TRAPPC10: variants seen among roughly 807,000 people sequenced by gnomAD.
TRAPPC10 encodes TRAPP 130 kDa subunit.
In TRAPPC10, 23 loss-of-function variants were observed where a neutral mutation model predicts 125.5. That is an observed-to-expected ratio of 0.18 (90% confidence interval 0.13 to 0.26). The LOEUF (loss-of-function observed/expected upper bound fraction) is 0.26. Ranked by LOEUF, TRAPPC10 falls within the 10% of genes least tolerant of loss-of-function variation. The pLI is 1.00. For synonymous variants in TRAPPC10, 509 were observed against 518.0 expected (o/e 0.98, Z 0.24); for missense variants, 1,123 against 1,308.4 (o/e 0.86, Z 2.19).
intron 7 of TRAPPC10, among the ~76,000 whole-genome samples, chr21:44,072,267 C>T (rs1465412000): frequency 1.3e-5 from 2 of 152,148 alleles, no homozygotes; most frequent in African/African-American, 4.8e-5. Context: ...GCTGCTGTTC[C>T]CTGCGGACTC....
intron 2 of TRAPPC10, among the ~76,000 whole-genome samples, chr21:44,035,534 A>G (rs2033926331): frequency 6.6e-6 from 1 of 152,190 alleles, no homozygotes; most frequent in African/African-American, 2.4e-5. Flanking sequence ...TCACACTTGT[A>G]ATCCCAGCAC....
chr21:44,027,271 T>C (rs1050991794), intron 1 of TRAPPC10, among the ~76,000 whole-genome samples: 1 of 152,230 alleles, frequency 6.6e-6, no homozygotes, highest in Non-Finnish European at 1.5e-5. Context: ...ACAAACTGAC[T>C]GAACATTCTG....
At chr21:44,062,758 C>A (rs938020913) in intron 6 of TRAPPC10, 1 of 985,300 alleles carries the variant, frequency 1.0e-6, no homozygotes, top group African/African-American at 1.7e-5. Context: ...ATGCGCTCCC[C>A]GGGTCTGAGG....
At chr21:44,047,396 GT>G (rs2034910959) in intron 3 of TRAPPC10, among the ~76,000 whole-genome samples, 1 of 152,028 alleles carries the variant, frequency 6.6e-6, no homozygotes, top group South Asian at 2.1e-4. Context: ...GGCCAGGCTG[GT>G]CTCAAACTCC....
intron 2 of TRAPPC10, among the ~76,000 whole-genome samples, chr21:44,035,628 T>G (rs1337412591): frequency 6.6e-6 from 1 of 151,984 alleles, no homozygotes; most frequent in Non-Finnish European, 1.5e-5. Context: ...AAATACAAAA[T>G]TAGCCAGGCA....
chr21:44,062,904 T>A, intron 6 of TRAPPC10: 1 of 1,229,028 alleles, frequency 8.1e-7, no homozygotes, highest in African/African-American at 1.6e-5. Context: ...ATGGACTTGT[T>A]ATTATACATT....
At chr21:44,023,608 A>G (rs1208583405) in intron 1 of TRAPPC10, among the ~76,000 whole-genome samples, 1 of 152,132 alleles carries the variant, frequency 6.6e-6, no homozygotes, top group African/African-American at 2.4e-5. Context: ...CATTTTGAAC[A>G]TTTAATGCCC....
chr21:44,052,714 G>A (rs1209401605), intron 4 of TRAPPC10, among the ~76,000 whole-genome samples: 1 of 152,096 alleles, frequency 6.6e-6, no homozygotes, highest in East Asian at 1.9e-4. Context: ...CATAGTCCTG[G>A]GAGGCCTCTT....
intron 3 of TRAPPC10, among the ~76,000 whole-genome samples, chr21:44,047,621 T>C (rs536132380): frequency 1.3e-5 from 2 of 151,852 alleles, no homozygotes; most frequent in Non-Finnish European, 2.9e-5. Flanking sequence ...TGATATTTTT[T>C]GTAGTCCTTT....
At chr21:44,043,706 A>G (rs2034576750) in intron 3 of TRAPPC10, among the ~76,000 whole-genome samples, 1 of 151,992 alleles carries the variant, frequency 6.6e-6, no homozygotes, top group Admixed American at 6.6e-5. Context: ...TGTTTCCTCC[A>G]GTTGAATCTG....
intron 3 of TRAPPC10, among the ~76,000 whole-genome samples, chr21:44,049,558 T>C (rs1028355027): frequency 6.6e-6 from 1 of 152,226 alleles, no homozygotes; most frequent in Non-Finnish European, 1.5e-5. Flanking sequence ...ATGCCCTTTG[T>C]GCCCTGCTTG....
At chr21:44,085,825 C>G (rs2038087967) in intron 15 of TRAPPC10, among the ~76,000 whole-genome samples, 1 of 152,160 alleles carries the variant, frequency 6.6e-6, no homozygotes. Context: ...GAAGGAGTTG[C>G]TATAAACAAA....
At chr21:44,023,454 T>C (rs1360170367) in intron 1 of TRAPPC10, among the ~76,000 whole-genome samples, 5 of 152,210 alleles carry the variant, frequency 3.3e-5, no homozygotes, top group African/African-American at 1.2e-4. Flanking sequence ...ATACTTGATG[T>C]GTTACAGTCC....
Position 44,082,661 on chromosome 21 carries a change from C to A in TRAPPC10, c.1724-127C>A. 1 of 1,041,676 alleles carries A rather than the reference C, an allele frequency of 9.6e-7. No homozygotes were observed. Among genetic ancestry groups the A allele is most frequent in the Non-Finnish European group, 1.4e-6 (1 of 699,886 alleles). 64.5% of individuals were successfully genotyped at this position (1,041,676 alleles called of 1,614,324 possible). A position where few individuals can be genotyped will look rare whatever the true frequency, so the allele number is the denominator to read the frequency against. ...GAAGATGGCAGGAGGCTGGGCTCAGCTGCTGTGCCCATCACTGCTGCTTGC... is the reference window on the plus strand; with the variant it reads ...GAAGATGGCAGGAGGCTGGGCTCAGATGCTGTGCCCATCACTGCTGCTTGC... On this transcript the variant is annotated intron_variant, in intron 13 of 22. Coordinates refer to ENST00000291574, the MANE Select transcript of TRAPPC10 (RefSeq NM_003274.5). This position sits in a 1 kb window ranked among gnomAD's most constrained non-coding sequence, Gnocchi z 4.4.
intron 1 of TRAPPC10, among the ~76,000 whole-genome samples, chr21:44,018,717 G>A (rs1217031191): frequency 6.6e-6 from 1 of 151,616 alleles, no homozygotes; most frequent in Non-Finnish European, 1.5e-5. Flanking sequence ...AAAGTATGTC[G>A]GGCATAACAC....
At chr21:44,093,673 A>G (rs1601839661) in intron 19 of TRAPPC10, among the ~76,000 whole-genome samples, 2 of 151,308 alleles carry the variant, frequency 1.3e-5, no homozygotes, top group African/African-American at 4.9e-5. Flanking sequence ...CGGAAGAATC[A>G]CTTGAACCCA....
At chr21:44,086,777 T>G (rs1569216106) in intron 15 of TRAPPC10, 25 bp from the exon 16 acceptor site, 4 of 1,612,486 alleles carry the variant, frequency 2.5e-6, no homozygotes, top group Non-Finnish European at 3.4e-6. Flanking sequence ...GCAGCGGTGC[T>G]GAGCCACGAT....
At chr21:44,037,072 C>G (rs531438154) in intron 2 of TRAPPC10, among the ~76,000 whole-genome samples, 5 of 152,222 alleles carry the variant, frequency 3.3e-5, no homozygotes, top group African/African-American at 1.2e-4. Flanking sequence ...AACACAGCAC[C>G]CTTAGATCGG....
intron 7 of TRAPPC10, among the ~76,000 whole-genome samples, chr21:44,068,243 G>C (rs2036596430): frequency 6.6e-6 from 1 of 152,170 alleles, no homozygotes; most frequent in Non-Finnish European, 1.5e-5. Context: ...GCCTTATGAA[G>C]CTTACGTGCT....
Sources: gnomAD v4.1 joint callset for allele counts (sites outside exome capture counted in the v4.1 genomes callset) on GRCh38, gnomAD v4.1.1 for gene constraint, Gnocchi (gnomAD v3.1) non-coding constraint, MANE v1.5 for transcripts, NCBI Gene and HGNC (gene_info 2026-07-23, HGNC 2026-07-21) for gene names.